Variants in C10orf90 observed in about 807,000 individuals in gnomAD.
The protein encoded by C10orf90 is (E2-independent) E3 ubiquitin-conjugating enzyme FATS.
C10orf90 carries 56 observed loss-of-function variants against 62.5 expected under a neutral mutation model. That is an observed-to-expected ratio of 0.90 (90% CI 0.72 to 1.12). C10orf90 has a LOEUF of 1.12. C10orf90 is among the 50% of genes most tolerant of loss of function. The pLI is 0.00. For missense variants in C10orf90, 970 were observed against 880.4 expected (o/e 1.10, Z -1.29); for synonymous variants, 386 against 340.4 (o/e 1.13, Z -1.47).
rs1857244620 is a variant in C10orf90, at chr10:126,426,060, CT to C, written c.2282del (p.Lys761ArgfsTer10). On this transcript the variant is annotated frameshift_variant, in exon 9 of 10. Coordinates refer to ENST00000488181, the MANE Select transcript of C10orf90 (RefSeq NM_001350921.2). LOFTEE classifies it high-confidence loss of function. ...RIYDNLPEVK[K>X]KKEEQRKRVI... ...CCCTTTTCCTTTGTTCTTCTTTTTT[CT>C]TTTTAACTTCCGGCAAGTTATCATA... The C allele has an allele frequency of 6.2e-7, 1 of 1,613,894 alleles. No individual in the cohort carries two copies. The highest frequency in any genetic ancestry group is 1.3e-5 in the African/African-American group (1 of 74,906).
At chr10:126,625,068 A>G (rs2842154) in intron 2 of C10orf90, among the ~76,000 whole-genome samples, 91,719 of 152,060 alleles carry the variant, frequency 0.6, 27,898 homozygotes, top group Middle Eastern at 0.74. Flanking sequence ...CAGGGAGCTG[A>G]GGGTGCTGAA....
intron 7 of C10orf90, among the ~76,000 whole-genome samples, chr10:126,458,036 C>T (rs929565418): frequency 2.0e-5 from 3 of 152,036 alleles, no homozygotes; most frequent in Admixed American, 6.6e-5. Context: ...CATCCTTCCC[C>T]GAGGTCTTTA....
intron 1 of C10orf90, among the ~76,000 whole-genome samples, chr10:126,655,568 A>C (rs1197677467): frequency 6.6e-6 from 1 of 152,216 alleles, no homozygotes; most frequent in African/African-American, 2.4e-5. Flanking sequence ...GCTGTACTTG[A>C]CAATGTGAGC....
intron 2 of C10orf90, among the ~76,000 whole-genome samples, chr10:126,632,923 C>T (rs565475808): frequency 4.6e-5 from 7 of 152,256 alleles, no homozygotes; most frequent in South Asian, 2.1e-4. Flanking sequence ...CCAAAACTGC[C>T]GACCTGCAGC....
At position 126,496,707 on chromosome 10, in the gene C10orf90, G is replaced by A. The variant is rs1396000588; in HGVS notation, c.1534+7250C>T. The A allele has an allele frequency of 4.1e-6, 4 of 985,208 alleles. No homozygotes were observed. The African/African-American group carries it at 5.2e-5, about 13-fold the overall frequency. 61.0% of individuals were successfully genotyped at this position (985,208 alleles called of 1,614,324 possible). A position where few individuals can be genotyped will look rare whatever the true frequency, so the allele number is the denominator to read the frequency against. On this transcript the variant is annotated intron_variant, in intron 4 of 9. Coordinates refer to ENST00000488181, the MANE Select transcript of C10orf90 (RefSeq NM_001350921.2). ...CTCCTCACCCTTTCCTTGCCAGAGA[G>A]GTTTTGAATATGGGGATGGGGAAAG... is the stretch of plus-strand genomic sequence containing the variant.
At chr10:126,606,630 T>A (rs1426219659) in intron 2 of C10orf90, among the ~76,000 whole-genome samples, 1 of 152,210 alleles carries the variant, frequency 6.6e-6, no homozygotes, top group African/African-American at 2.4e-5. Flanking sequence ...GCAGCTCTGA[T>A]GATTTGCTGT....
At chr10:126,442,633 G>GTGTGTATA (rs1160734939) in intron 7 of C10orf90, among the ~76,000 whole-genome samples, 3 of 88,468 alleles carry the variant, frequency 3.4e-5, no homozygotes, top group East Asian at 3.9e-4. Context: ...TTGTGTGTGT[G>GTGTGTATA]TATATATATA....
At chr10:126,533,019 A>G (rs370528704) in intron 2 of C10orf90, among the ~76,000 whole-genome samples, 111 of 149,378 alleles carry the variant, frequency 7.4e-4, no homozygotes, top group African/African-American at 2.1e-3. Flanking sequence ...TGCAAGCTCC[A>G]CCTCCCGGGT....
At chr10:126,427,093 G>C (rs1340939815) in intron 8 of C10orf90, among the ~76,000 whole-genome samples, 1 of 152,170 alleles carries the variant, frequency 6.6e-6, no homozygotes. Flanking sequence ...AGACAACACT[G>C]TCACCCAACC....
intron 7 of C10orf90, among the ~76,000 whole-genome samples, chr10:126,435,653 C>T (rs1024643610): frequency 1.3e-5 from 2 of 152,138 alleles, no homozygotes; most frequent in African/African-American, 2.4e-5. Flanking sequence ...CCCAGACCTC[C>T]AAGTCAACCA....
intron 4 of C10orf90, among the ~76,000 whole-genome samples, chr10:126,471,804 T>A (rs1485673539): frequency 5.3e-5 from 8 of 152,190 alleles, no homozygotes; most frequent in Non-Finnish European, 1.2e-4. Flanking sequence ...GTTCTAGTTA[T>A]TCATTATTAT....
chr10:126,434,318 G>A (rs1857775390), intron 7 of C10orf90, among the ~76,000 whole-genome samples: 2 of 152,178 alleles, frequency 1.3e-5, no homozygotes, highest in Admixed American at 1.3e-4. Flanking sequence ...CCAGAAGGCA[G>A]CAAAGATCAC....
intron 1 of C10orf90, among the ~76,000 whole-genome samples, chr10:126,667,761 C>T (rs1846661567): frequency 1.3e-5 from 2 of 152,196 alleles, no homozygotes; most frequent in Admixed American, 6.5e-5. Flanking sequence ...CCAATATAGG[C>T]TCATCCCATC....
At chr10:126,628,178 A>C (rs1156954810) in intron 2 of C10orf90, among the ~76,000 whole-genome samples, 1 of 152,190 alleles carries the variant, frequency 6.6e-6, no homozygotes, top group East Asian at 1.9e-4. Flanking sequence ...TCTGTGGCTC[A>C]GTTTTCTTAT....
At chr10:126,476,420 T>C (rs934857967) in intron 4 of C10orf90, among the ~76,000 whole-genome samples, 8 of 152,188 alleles carry the variant, frequency 5.3e-5, no homozygotes, top group African/African-American at 1.9e-4. Context: ...GAGAAGCACA[T>C]GCCACATGAA....
intron 2 of C10orf90, among the ~76,000 whole-genome samples, chr10:126,559,001 G>A (rs540332420): frequency 6.6e-6 from 1 of 152,238 alleles, no homozygotes; most frequent in Non-Finnish European, 1.5e-5. Context: ...TACCCTGAAC[G>A]TGGCTTTCCC....
At chr10:126,630,809 C>T (rs764391104) in intron 2 of C10orf90, among the ~76,000 whole-genome samples, 1 of 152,148 alleles carries the variant, frequency 6.6e-6, no homozygotes, top group Non-Finnish European at 1.5e-5. Context: ...CATCTTCCAC[C>T]CTCCATTCCC....
At chr10:126,669,947 TG>T (rs2133883803) in intron 1 of C10orf90, among the ~76,000 whole-genome samples, 1 of 152,312 alleles carries the variant, frequency 6.6e-6, no homozygotes, top group African/African-American at 2.4e-5. Context: ...TTTCTAAACA[TG>T]GATACAAATT....
intron 2 of C10orf90, among the ~76,000 whole-genome samples, chr10:126,631,391 G>A (rs981167718): frequency 4.6e-5 from 7 of 152,130 alleles, no homozygotes; most frequent in Admixed American, 1.3e-4. Flanking sequence ...TCCTCTCCTG[G>A]AGACAGCTGC....
Sources: allele counts gnomAD v4.1 joint callset (sites outside exome capture counted in the v4.1 genomes callset), GRCh38; gene constraint gnomAD v4.1.1; transcripts MANE v1.5; gene names NCBI Gene and HGNC (gene_info 2026-07-23, HGNC 2026-07-21).